The following AGBL4 variants were observed in gnomAD, a reference collection of about 807,000 sequenced individuals.
The protein encoded by AGBL4 is cytosolic carboxypeptidase 6.
In AGBL4, 58 loss-of-function variants were observed where a neutral mutation model predicts 66.4. The observed-to-expected ratio is 0.87, with a 90% confidence interval of 0.71 to 1.09. The LOEUF (loss-of-function observed/expected upper bound fraction) is 1.09. Ranked by LOEUF, AGBL4 falls within the 50% of genes least tolerant of loss-of-function variation. AGBL4 has a pLI of 0.00. For missense variants in AGBL4, 579 were observed against 631.0 expected (o/e 0.92, Z 0.88); for synonymous variants, 234 against 222.9 (o/e 1.05, Z -0.44).
At chr1:48,798,268 A>G (rs1196272399) in intron 6 of AGBL4, among the ~76,000 whole-genome samples, 2 of 152,028 alleles carry the variant, frequency 1.3e-5, no homozygotes, top group Non-Finnish European at 2.9e-5. Flanking sequence ...GGCCATTTCT[A>G]TATCTTCTTT....
chr1:48,892,024 T>C (rs1319543402), intron 5 of AGBL4, among the ~76,000 whole-genome samples: 1 of 133,686 alleles, frequency 7.5e-6, no homozygotes, highest in East Asian at 2.2e-4. Context: ...AGAAATTTAT[T>C]TTATTACAGC....
chr1:48,829,504 A>G (rs1646502252), intron 6 of AGBL4, among the ~76,000 whole-genome samples: 1 of 152,172 alleles, frequency 6.6e-6, no homozygotes, highest in Admixed American at 6.5e-5. Flanking sequence ...CACATTTTAT[A>G]ATCATGCCAT....
intron 10 of AGBL4, among the ~76,000 whole-genome samples, chr1:48,590,125 C>T (rs1450152339): frequency 6.6e-6 from 1 of 152,132 alleles, no homozygotes; most frequent in Non-Finnish European, 1.5e-5. Context: ...CCAGTAGCGG[C>T]CAGGCGCGGT....
chr1:48,983,527 C>T (rs1244150950), intron 5 of AGBL4, among the ~76,000 whole-genome samples: 1 of 152,080 alleles, frequency 6.6e-6, no homozygotes, highest in Admixed American at 6.5e-5. Flanking sequence ...GGCAACAAAG[C>T]AAAATTATGG....
At chr1:49,279,660 T>G (rs2148401767) in intron 3 of AGBL4, among the ~76,000 whole-genome samples, 1 of 152,132 alleles carries the variant, frequency 6.6e-6, no homozygotes, top group Middle Eastern at 3.4e-3. Context: ...AAAATGAAGA[T>G]AAATGACTAA....
chr1:49,281,625 T>C (rs1174208742), intron 3 of AGBL4, among the ~76,000 whole-genome samples: 2 of 152,240 alleles, frequency 1.3e-5, no homozygotes, highest in African/African-American at 2.4e-5. Flanking sequence ...CTGTGATTTA[T>C]AATAAATACA....
chr1:48,801,648 A>T (rs1254532074), intron 6 of AGBL4, among the ~76,000 whole-genome samples: 1 of 152,064 alleles, frequency 6.6e-6, no homozygotes, highest in Middle Eastern at 3.2e-3. Context: ...CCCAGTGGGG[A>T]TGTGTGTTTA....
intron 3 of AGBL4, among the ~76,000 whole-genome samples, chr1:49,582,806 G>C (rs569717613): frequency 6.6e-6 from 1 of 152,046 alleles, no homozygotes; most frequent in African/African-American, 2.4e-5. Flanking sequence ...CCCTTATTGC[G>C]GATTTTCTCC....
At chr1:49,738,166 G>C (rs891624302) in intron 2 of AGBL4, among the ~76,000 whole-genome samples, 1 of 152,240 alleles carries the variant, frequency 6.6e-6, no homozygotes. Context: ...GCCAAGGACA[G>C]CGGTGACTGA....
chr1:49,215,428 G>A (rs988298268), intron 4 of AGBL4, among the ~76,000 whole-genome samples: 1 of 151,976 alleles, frequency 6.6e-6, no homozygotes, highest in Admixed American at 6.6e-5. Flanking sequence ...AACAGCCTCT[G>A]TTTTTTTGCT....
chr1:49,796,549 T>C (rs1177233097), intron 2 of AGBL4, among the ~76,000 whole-genome samples: 2 of 151,394 alleles, frequency 1.3e-5, no homozygotes, highest in African/African-American at 4.8e-5. Context: ...TTTAAAATTA[T>C]CTTTTTAAAA....
chr1:49,120,889 A>G (rs981060522), intron 4 of AGBL4, among the ~76,000 whole-genome samples: 2 of 152,082 alleles, frequency 1.3e-5, no homozygotes, highest in African/African-American at 4.8e-5. Flanking sequence ...TATTTCTTGG[A>G]GGCTTTGTTA....
chr1:49,225,272 T>C (rs1407418939), intron 4 of AGBL4, among the ~76,000 whole-genome samples: 1 of 152,222 alleles, frequency 6.6e-6, no homozygotes, highest in African/African-American at 2.4e-5. Flanking sequence ...AGAGACCTTA[T>C]GTATATCAAC....
At chr1:48,866,094 G>C (rs1648042379) in intron 6 of AGBL4, among the ~76,000 whole-genome samples, 1 of 152,118 alleles carries the variant, frequency 6.6e-6, no homozygotes, top group Admixed American at 6.5e-5. Flanking sequence ...ACCCAAACTA[G>C]TGGCTGCACC....
At chr1:49,849,223 G>A (rs531193725) in intron 2 of AGBL4, among the ~76,000 whole-genome samples, 38 of 152,090 alleles carry the variant, frequency 2.5e-4, no homozygotes, top group African/African-American at 2.4e-4. Context: ...CACCAGCCTG[G>A]CAGAGTGCAT....
chr1:49,092,827 C>T (rs1051044194), intron 4 of AGBL4, among the ~76,000 whole-genome samples: 1 of 151,996 alleles, frequency 6.6e-6, no homozygotes, highest in Admixed American at 6.6e-5. Flanking sequence ...TGGCTTTCTC[C>T]TTTTCTGAAC....
chr1:49,310,750 T>C (rs1329740085), intron 3 of AGBL4, among the ~76,000 whole-genome samples: 2 of 152,024 alleles, frequency 1.3e-5, no homozygotes, highest in Non-Finnish European at 2.9e-5. Flanking sequence ...GAAAACTGGC[T>C]GTGAAGTTAG....
At chr1:49,009,556 C>G (rs1662201690) in intron 5 of AGBL4, among the ~76,000 whole-genome samples, 1 of 152,076 alleles carries the variant, frequency 6.6e-6, no homozygotes, top group African/African-American at 2.4e-5. Flanking sequence ...GATACCAAAG[C>G]CTGGCAGAGA....
At chr1:48,733,851 T>C (rs753869908) in intron 6 of AGBL4, among the ~76,000 whole-genome samples, 1 of 152,220 alleles carries the variant, frequency 6.6e-6, no homozygotes, top group African/African-American at 2.4e-5. Context: ...GTGCCTACTA[T>C]GTGCCAGACA....
Sources: allele counts gnomAD v4.1 joint callset (sites outside exome capture counted in the v4.1 genomes callset), GRCh38; gene constraint gnomAD v4.1.1; transcripts MANE v1.5; gene names NCBI Gene and HGNC (gene_info 2026-07-23, HGNC 2026-07-21).